KCNH7: variants seen among roughly 807,000 people sequenced by gnomAD.
The protein encoded by KCNH7 is voltage-gated inwardly rectifying potassium channel KCNH7.
KCNH7 carries 49 observed loss-of-function variants against 120.8 expected under a neutral mutation model. That is an observed-to-expected ratio of 0.41 (90% CI 0.32 to 0.51). The LOEUF is 0.51. KCNH7 is among the 20% of genes least tolerant of loss of function. The probability of loss-of-function intolerance (pLI) is 0.38; values close to 1 mark genes in which losing one functional copy is unlikely to be tolerated. For synonymous variants in KCNH7, 547 were observed against 516.1 expected (o/e 1.06, Z -0.81); for missense variants, 1,097 against 1,446.6 (o/e 0.76, Z 3.92).
chr2:162,722,386 T>C (rs1266429307), intron 2 of KCNH7, among the ~76,000 whole-genome samples: 1 of 152,152 alleles, frequency 6.6e-6, no homozygotes, highest in African/African-American at 2.4e-5. Flanking sequence ...AAAATTGATG[T>C]ACTATAACAG....
chr2:162,564,490 G>T (rs1294994376), intron 2 of KCNH7, among the ~76,000 whole-genome samples: 1 of 152,110 alleles, frequency 6.6e-6, no homozygotes, highest in African/African-American at 2.4e-5. Context: ...AGAGGTGAAA[G>T]ATACTTCACT....
chr2:162,432,614 A>G (rs1688107390), intron 8 of KCNH7, among the ~76,000 whole-genome samples: 1 of 151,988 alleles, frequency 6.6e-6, no homozygotes, highest in Non-Finnish European at 1.5e-5. Flanking sequence ...AAAATCCAAA[A>G]TTTTCCTGAT....
At chr2:162,805,914 G>A (rs984911652) in intron 2 of KCNH7, among the ~76,000 whole-genome samples, 20 of 152,030 alleles carry the variant, frequency 1.3e-4, no homozygotes, top group African/African-American at 4.8e-4. Flanking sequence ...AAAAAGGAAT[G>A]AAATAATGTC....
At chr2:162,470,014 T>C (rs963456336) in intron 6 of KCNH7, among the ~76,000 whole-genome samples, 1 of 152,216 alleles carries the variant, frequency 6.6e-6, no homozygotes, top group African/African-American at 2.4e-5. Context: ...CAGTGCTCAA[T>C]GGTGCCCAGG....
chr2:162,802,548 C>T (rs1684387805), intron 2 of KCNH7, among the ~76,000 whole-genome samples: 1 of 151,700 alleles, frequency 6.6e-6, no homozygotes, highest in East Asian at 1.9e-4. Flanking sequence ...ATCTCTATAC[C>T]AGTGTTATCC....
At chr2:162,467,366 G>T (rs142402997) in intron 6 of KCNH7, among the ~76,000 whole-genome samples, 1 of 152,206 alleles carries the variant, frequency 6.6e-6, no homozygotes, top group African/African-American at 2.4e-5. Context: ...AGGTGTTTGG[G>T]TCATGGAGTA....
chr2:162,431,458 A>C (rs1688064450), intron 8 of KCNH7, among the ~76,000 whole-genome samples: 1 of 152,030 alleles, frequency 6.6e-6, no homozygotes, highest in African/African-American at 2.4e-5. Context: ...ACACCTATAT[A>C]CATCAAAATG....
intron 2 of KCNH7, among the ~76,000 whole-genome samples, chr2:162,781,603 A>G (rs2105495455): frequency 6.6e-6 from 1 of 152,302 alleles, no homozygotes; most frequent in African/African-American, 2.4e-5. Context: ...TGTGGTAAGT[A>G]AGTAAAGGTG....
chr2:162,455,871 T>C (rs1298500638), intron 6 of KCNH7, among the ~76,000 whole-genome samples: 1 of 152,108 alleles, frequency 6.6e-6, no homozygotes, highest in African/African-American at 2.4e-5. Context: ...ATTTTGTTAA[T>C]CCTTTCAAAA....
chr2:162,692,696 A>G (rs1035937426), intron 2 of KCNH7, among the ~76,000 whole-genome samples: 1 of 152,166 alleles, frequency 6.6e-6, no homozygotes, highest in Non-Finnish European at 1.5e-5. Context: ...AGGTGAGCTG[A>G]TAAGGGTTGA....
At chr2:162,434,024 T>G (rs1039194881) in intron 8 of KCNH7, among the ~76,000 whole-genome samples, 3 of 151,918 alleles carry the variant, frequency 2.0e-5, no homozygotes, top group Non-Finnish European at 2.9e-5. Context: ...GTAGTACATA[T>G]ACAATATGGA....
chr2:162,487,549 G>A (rs1003190088), intron 6 of KCNH7, among the ~76,000 whole-genome samples: 3 of 152,128 alleles, frequency 2.0e-5, no homozygotes, highest in Non-Finnish European at 4.4e-5. Context: ...AAACCCTGAG[G>A]AAGATGATAT....
intron 2 of KCNH7, among the ~76,000 whole-genome samples, chr2:162,774,881 T>C (rs547678120): frequency 2.0e-5 from 3 of 152,292 alleles, no homozygotes; most frequent in South Asian, 2.1e-4. Context: ...TTAATAATGA[T>C]ATTAATTTTC....
At chr2:162,551,351 T>G (rs746874024) in intron 2 of KCNH7, among the ~76,000 whole-genome samples, 3 of 152,102 alleles carry the variant, frequency 2.0e-5, no homozygotes, top group Non-Finnish European at 2.9e-5. Context: ...AAAACTATAT[T>G]CATGAATGAA....
At chr2:162,718,402 A>G (rs1053600986) in intron 2 of KCNH7, among the ~76,000 whole-genome samples, 14 of 152,066 alleles carry the variant, frequency 9.2e-5, no homozygotes, top group Non-Finnish European at 2.1e-4. Context: ...AAAATTTAAC[A>G]TAACATTAAT....
intron 2 of KCNH7, among the ~76,000 whole-genome samples, chr2:162,688,703 C>G (rs9807933): frequency 0.14 from 20,486 of 150,154 alleles, 1,594 homozygotes; most frequent in East Asian, 0.34. Flanking sequence ...TGTGTTATCT[C>G]TTTAAGAATA....
chr2:162,527,225 A>C (rs1691738775), intron 3 of KCNH7, among the ~76,000 whole-genome samples: 1 of 151,992 alleles, frequency 6.6e-6, no homozygotes, highest in South Asian at 2.1e-4. Flanking sequence ...TGTCAAATTT[A>C]ATCTTTAAAA....
intron 2 of KCNH7, among the ~76,000 whole-genome samples, chr2:162,545,474 G>A (rs1352849771): frequency 1.3e-5 from 2 of 152,086 alleles, no homozygotes; most frequent in Non-Finnish European, 2.9e-5. Context: ...GGAGAGGGAG[G>A]AACTGCAGGG....
chr2:162,665,051 TA>T (rs1685088499), intron 2 of KCNH7, among the ~76,000 whole-genome samples: 1 of 152,166 alleles, frequency 6.6e-6, no homozygotes, highest in Non-Finnish European at 1.5e-5. Flanking sequence ...AATCATTTAT[TA>T]TTAACTTTGA....
Sources: allele counts gnomAD v4.1 joint callset (sites outside exome capture counted in the v4.1 genomes callset), GRCh38; gene constraint gnomAD v4.1.1; transcripts MANE v1.5; gene names NCBI Gene and HGNC (gene_info 2026-07-23, HGNC 2026-07-21).